The following NRG1 variants were observed in gnomAD, a reference collection of about 807,000 sequenced individuals.
NRG1 encodes the protein pro-neuregulin-1, membrane-bound isoform.
A neutral mutation model predicts 63.8 loss-of-function variants in NRG1; 18 were observed. The observed-to-expected ratio is 0.28, with a 90% CI of 0.19 to 0.42. The LOEUF (loss-of-function observed/expected upper bound fraction) is 0.42. Among genes scored for constraint, NRG1 ranks in the 10% least tolerant of loss-of-function variants. NRG1 has a pLI of 1.00. For missense variants in NRG1, 762 were observed against 814.7 expected, an observed-to-expected ratio of 0.94 and a Z score of 0.79; for synonymous variants, 302 against 301.3, an observed-to-expected ratio of 1.00 and a Z score of -0.02.
Position 32,079,757 on chromosome 8 carries a change from G to A in NRG1, c.37+440326G>A, listed in dbSNP as rs529301604. The stretch of plus-strand genomic sequence containing the variant: ...CAAAGTGAATGCAGTAAAATTACAG[G>A]GCAATGGGTTTCTTCCCACACAAGA... On this transcript the variant is annotated intron_variant, in intron 1 of 10. Coordinates refer to the NRG1 transcript ENST00000519301. Among the ~76,000 whole-genome samples the A allele has an allele frequency of 3.3e-4, 50 of 152,098 alleles. No individual in the cohort carries two copies. In the South Asian group the frequency reaches 7.5e-3, roughly 23 times the overall value.
intron 1 of NRG1, among the ~76,000 whole-genome samples, chr8:32,156,182 C>A (rs1563848929): frequency 6.6e-6 from 1 of 152,138 alleles, no homozygotes; most frequent in African/African-American, 2.4e-5. Context: ...CCTCACTATC[C>A]TTTCCTGGAG....
intron 1 of NRG1, among the ~76,000 whole-genome samples, chr8:31,877,226 T>A (rs185302205): frequency 8.5e-5 from 13 of 152,284 alleles, no homozygotes; most frequent in African/African-American, 3.1e-4. Flanking sequence ...ATTAACTTTT[T>A]TAGAAAGCCA....
At chr8:31,922,469 C>T (rs2129618933) in intron 1 of NRG1, among the ~76,000 whole-genome samples, 1 of 152,210 alleles carries the variant, frequency 6.6e-6, no homozygotes, top group East Asian at 1.9e-4. Flanking sequence ...TTTTATCTAC[C>T]TTTATCTCGC....
intron 1 of NRG1, among the ~76,000 whole-genome samples, chr8:32,084,639 TA>T (rs1827958920): frequency 6.6e-6 from 1 of 152,226 alleles, no homozygotes; most frequent in Non-Finnish European, 1.5e-5. Context: ...TAAGATCCAC[TA>T]ATGTTTGTAA....
chr8:31,732,751 C>T (rs975927857), intron 1 of NRG1, among the ~76,000 whole-genome samples: 9 of 151,988 alleles, frequency 5.9e-5, no homozygotes, highest in Middle Eastern at 3.4e-3. Flanking sequence ...AAAAATTAGC[C>T]GGGCATGGTG....
In NRG1 at chr8:31,652,141, C is replaced by T. The variant is rs1001652825; in HGVS notation, c.37+12710C>T. Among the ~76,000 whole-genome samples, 3 of 152,222 alleles carry T rather than the reference C, an allele frequency of 2.0e-5. No individual in the cohort carries two copies. The South Asian group carries it at 6.2e-4, about 32-fold the overall frequency. On this transcript the variant is annotated intron_variant, in intron 1 of 10. Coordinates refer to the NRG1 transcript ENST00000519301. The stretch of plus-strand genomic sequence containing the variant: ...AGGCGCTGAGATAAATTCAGTTAAC[C>T]CCTCACCATATGGCAGCATTAATAT...
At chr8:32,255,986 C>T (rs1849658529) in intron 1 of NRG1, among the ~76,000 whole-genome samples, 1 of 152,180 alleles carries the variant, frequency 6.6e-6, no homozygotes, top group Admixed American at 6.5e-5. Flanking sequence ...AGTCTTTCTT[C>T]TGCCTGATCT....
intron 5 of NRG1, among the ~76,000 whole-genome samples, chr8:32,662,125 T>C (rs1449595847): frequency 6.6e-6 from 1 of 152,196 alleles, no homozygotes; most frequent in Admixed American, 6.5e-5. Flanking sequence ...CCCCCAAAAG[T>C]GTGTACATCT....
chr8:32,204,368 G>A (rs757268772), intron 1 of NRG1, among the ~76,000 whole-genome samples: 8 of 152,118 alleles, frequency 5.3e-5, no homozygotes, highest in African/African-American at 1.4e-4. Context: ...TGAACCTATC[G>A]TTTTGTTTAG....
intron 5 of NRG1, among the ~76,000 whole-genome samples, chr8:32,724,458 G>A (rs562968799): frequency 5.5e-4 from 84 of 152,162 alleles, no homozygotes; most frequent in African/African-American, 1.8e-3. Context: ...CGGCTTTGTC[G>A]GTTTCATTAC....
intron 1 of NRG1, among the ~76,000 whole-genome samples, chr8:32,250,531 C>CTA (rs1160442861): frequency 7.0e-6 from 1 of 142,884 alleles, no homozygotes; most frequent in Non-Finnish European, 1.5e-5. Context: ...ACCTTCTAGT[C>CTA]TATTCCCAGC....
chr8:31,860,707 A>C (rs1188146587), intron 1 of NRG1, among the ~76,000 whole-genome samples: 1 of 152,210 alleles, frequency 6.6e-6, no homozygotes, highest in Non-Finnish European at 1.5e-5. Context: ...TATAAAAGCC[A>C]GTCTAGGTAA....
At chr8:32,743,591 T>TATATATATATATATATATATATATATAAA (rs1564087671) in intron 7 of NRG1, among the ~76,000 whole-genome samples, 1 of 145,734 alleles carries the variant, frequency 6.9e-6, no homozygotes, top group African/African-American at 2.5e-5. Flanking sequence ...TATATATATA[T>TATATATATATATATATATATATATATAAA]ATATAAAACT....
chr8:31,956,061 A>AAC (rs1298024960), intron 1 of NRG1, among the ~76,000 whole-genome samples: 102 of 151,598 alleles, frequency 6.7e-4, no homozygotes, highest in African/African-American at 2.4e-3. Flanking sequence ...AAACAAAAAA[A>AAC]CAAAAAAACA....
At chr8:32,695,534 C>T (rs1813063724) in intron 5 of NRG1, among the ~76,000 whole-genome samples, 1 of 152,042 alleles carries the variant, frequency 6.6e-6, no homozygotes, top group South Asian at 2.1e-4. Flanking sequence ...GTACTGAGAA[C>T]AGAGATACCA....
At chr8:32,000,905 A>T (rs1812813370) in intron 1 of NRG1, among the ~76,000 whole-genome samples, 2 of 151,896 alleles carry the variant, frequency 1.3e-5, no homozygotes, top group Admixed American at 1.3e-4. Context: ...TGGATATTGG[A>T]TTGCCTTCAT....
At chr8:31,783,717 T>C (rs966076604) in intron 1 of NRG1, among the ~76,000 whole-genome samples, 1 of 152,064 alleles carries the variant, frequency 6.6e-6, no homozygotes, top group African/African-American at 2.4e-5. Context: ...GGCAATTTAG[T>C]TTCAAAAGTA....
At chr8:32,020,032 C>G (rs554707728) in intron 1 of NRG1, among the ~76,000 whole-genome samples, 2 of 152,230 alleles carry the variant, frequency 1.3e-5, no homozygotes, top group South Asian at 4.2e-4. Context: ...TGCCTACCCC[C>G]CAAAATAAAT....
intron 5 of NRG1, among the ~76,000 whole-genome samples, chr8:32,708,506 T>A (rs1816999140): frequency 1.3e-5 from 2 of 152,214 alleles, no homozygotes; most frequent in Admixed American, 6.5e-5. Flanking sequence ...AGAACCTCCA[T>A]TGAATAAGAC....
Sources: gnomAD v4.1 joint callset for allele counts (sites outside exome capture counted in the v4.1 genomes callset) on GRCh38, gnomAD v4.1.1 for gene constraint, MANE v1.5 for transcripts, NCBI Gene and HGNC (gene_info 2026-07-23, HGNC 2026-07-21) for gene names.